The following KATNAL2 variants were observed in gnomAD, a reference collection of about 807,000 sequenced individuals.
KATNAL2 encodes the protein katanin p60 ATPase-containing subunit A-like 2.
In KATNAL2, 52 loss-of-function variants were observed where a neutral mutation model predicts 76.3. The observed-to-expected ratio is 0.68, with a 90% CI of 0.55 to 0.86. The LOEUF (loss-of-function observed/expected upper bound fraction) is 0.86. KATNAL2 is among the 40% of genes least tolerant of loss of function. The pLI is 0.00. For missense variants in KATNAL2, 660 were observed against 668.9 expected (o/e 0.99, Z 0.15); for synonymous variants, 243 against 244.2 (o/e 1.00, Z 0.05).
chr18:47,062,780 C>G (rs1166520677), intron 8 of KATNAL2, among the ~76,000 whole-genome samples, 192 bp from the exon 9 acceptor site: 2 of 152,164 alleles, frequency 1.3e-5, no homozygotes, highest in Non-Finnish European at 2.9e-5. Flanking sequence ...AATGTACTTA[C>G]AATTTTTTAA....
At chr18:46,927,361 T>G (rs1198082512) in intron 1 of KATNAL2, among the ~76,000 whole-genome samples, 1 of 152,176 alleles carries the variant, frequency 6.6e-6, no homozygotes, top group African/African-American at 2.4e-5. Flanking sequence ...TTTGGCTGGA[T>G]ATGAGATTCT....
intron 3 of KATNAL2, among the ~76,000 whole-genome samples, chr18:47,036,535 A>T (rs768499953): frequency 2.0e-5 from 3 of 152,132 alleles, no homozygotes; most frequent in Admixed American, 1.3e-4. Context: ...CAGTGTAGCC[A>T]TGTTTTATCC....
chr18:46,944,285 G>T (rs1182866922), intron 1 of KATNAL2, among the ~76,000 whole-genome samples: 5 of 152,090 alleles, frequency 3.3e-5, no homozygotes, highest in African/African-American at 9.7e-5. Context: ...CATGGGTTTG[G>T]CATCTGGGGA....
intron 3 of KATNAL2, among the ~76,000 whole-genome samples, chr18:46,952,556 C>T (rs527446451): frequency 4.0e-5 from 6 of 151,836 alleles, no homozygotes; most frequent in South Asian, 4.2e-4. Context: ...CGTACCACCA[C>T]GCCCGGCTAA....
intron 1 of KATNAL2, among the ~76,000 whole-genome samples, chr18:46,920,493 G>A (rs1329705776): frequency 6.6e-6 from 1 of 152,130 alleles, no homozygotes; most frequent in African/African-American, 2.4e-5. Context: ...CTCTGCCTCT[G>A]TACTGGCCAG....
At chr18:46,961,199 C>G (rs2059932853) in intron 3 of KATNAL2, among the ~76,000 whole-genome samples, 4 of 148,754 alleles carry the variant, frequency 2.7e-5, no homozygotes. Flanking sequence ...TCCAGGCCAT[C>G]TGGCTATTTA....
chr18:47,035,109 C>A (rs571433863), intron 3 of KATNAL2: 4 of 1,611,080 alleles, frequency 2.5e-6, no homozygotes, highest in Admixed American at 3.3e-5. Flanking sequence ...GGCGCTTCAC[C>A]GTCTTTCTGA....
chr18:47,059,493 G>C lies in KATNAL2; in HGVS notation c.451-63G>C. The stretch of plus-strand genomic sequence containing the variant: ...CGGACTTTGCTTGATGGAGTAGGCA[G>C]GTACATCCAGCAACTCTCCATGGCT... On this transcript the variant is annotated intron_variant, in intron 7 of 17. Coordinates refer to ENST00000683218, the MANE Select transcript of KATNAL2 (RefSeq NM_001387690.1). 8 of 1,119,126 alleles carry C rather than the reference G, an allele frequency of 7.1e-6. No individual in the cohort carries two copies. The South Asian group carries it at 1.0e-4, about 14-fold the overall frequency. The allele number at this position is 1,119,126 out of a possible 1,614,324, so 69.3% of individuals were successfully genotyped here.
intron 2 of KATNAL2, 108 bp downstream of exon 2, chr18:46,946,654 T>C: frequency 4.3e-6 from 5 of 1,152,788 alleles, no homozygotes; most frequent in Middle Eastern, 3.1e-4. Context: ...ATCTCTTCAT[T>C]GGCCAGTGTC....
chr18:47,072,844 TTATAGATA>T (rs1297724064), intron 13 of KATNAL2, among the ~76,000 whole-genome samples: 1 of 152,218 alleles, frequency 6.6e-6, no homozygotes, highest in Non-Finnish European at 1.5e-5. Flanking sequence ...TTCCACACTA[TTATAGATA>T]AAGCATGTTC....
intron 1 of KATNAL2, among the ~76,000 whole-genome samples, chr18:46,928,449 T>C (rs1429346264): frequency 1.3e-5 from 2 of 152,164 alleles, no homozygotes; most frequent in African/African-American, 2.4e-5. Context: ...CTGGAAGTTT[T>C]GTTTCAGAAG....
At chr18:46,919,486 CAA>C (rs571707086) in intron 1 of KATNAL2, among the ~76,000 whole-genome samples, 2 of 134,508 alleles carry the variant, frequency 1.5e-5, no homozygotes, top group Admixed American at 7.4e-5. Context: ...AACTCCATCT[CAA>C]AAAAAAAAAA....
At chr18:47,055,431 C>A (rs529091056) in intron 6 of KATNAL2, among the ~76,000 whole-genome samples, 24 of 152,316 alleles carry the variant, frequency 1.6e-4, no homozygotes, top group African/African-American at 5.5e-4. Context: ...TTTCCCACCC[C>A]TGCGACTCCA....
At chr18:46,948,426 C>CT (rs11400104) in intron 3 of KATNAL2, among the ~76,000 whole-genome samples, 9,702 of 136,254 alleles carry the variant, frequency 0.071, 381 homozygotes, top group Non-Finnish European at 0.087. Flanking sequence ...TCTTCTTCTT[C>CT]TTTTTTTTTT....
Position 47,100,332 on chromosome 18 carries a change from G to C in KATNAL2, c.1453G>C (p.Asp485His). 6.2e-7 allele frequency: 1 copy of C among 1,614,036 alleles called. No homozygotes were observed. The highest frequency in any genetic ancestry group is 8.5e-7 in the Non-Finnish European group (1 of 1,179,922). ...CATGCGGCCCGTGAGGAAGATCTTTGATGCACTTGAAAATCACCAGTCAGG... is the reference window on the plus strand; with the variant it reads ...CATGCGGCCCGTGAGGAAGATCTTTCATGCACTTGAAAATCACCAGTCAGG... ...AAMRPVRKIFDALENHQSESS... is the reference protein window; with the variant it reads ...AAMRPVRKIFHALENHQSESS... Residue 485 changes from aspartate to histidine, a missense_variant, in exon 17 of 18, where the codon GAT becomes CAT. Coordinates refer to ENST00000683218, the MANE Select transcript of KATNAL2 (RefSeq NM_001387690.1).
In KATNAL2 at chr18:46,929,546, A is replaced by G. The variant is rs76280387; in HGVS notation, c.-510+11620A>G. 3.4e-3 allele frequency among the ~76,000 whole-genome samples: 513 copies of G among 152,000 alleles called. 2 individuals are homozygous for G. Among genetic ancestry groups the G allele is most frequent in the Non-Finnish European group, 5.6e-3 (380 of 67,922 alleles). ...GCATGGGCTATCACGCTTGGCCACA[A>G]TTCATTTCTTTTTATTGCTGAGTAG... On this transcript the variant is annotated intron_variant, in intron 1 of 17. Coordinates refer to ENST00000683218, the MANE Select transcript of KATNAL2 (RefSeq NM_001387690.1).
chr18:47,035,447 G>C (rs555215537), intron 3 of KATNAL2: 16 of 1,331,992 alleles, frequency 1.2e-5, no homozygotes, highest in Non-Finnish European at 1.4e-5. Context: ...GGTCTGGAAC[G>C]GCCGTCCTTG....
intron 1 of KATNAL2, among the ~76,000 whole-genome samples, chr18:46,936,037 T>A (rs1190819803): frequency 6.6e-6 from 1 of 152,164 alleles, no homozygotes; most frequent in African/African-American, 2.4e-5. Context: ...AAATAAACAA[T>A]TTCAAGTTTG....
chr18:46,950,821 G>A (rs539407119), intron 3 of KATNAL2, among the ~76,000 whole-genome samples: 3 of 151,878 alleles, frequency 2.0e-5, no homozygotes, highest in Non-Finnish European at 4.4e-5. Context: ...AGTAGCTGGG[G>A]CTACAGGCGC....
Sources: gnomAD v4.1 joint callset for allele counts (sites outside exome capture counted in the v4.1 genomes callset) on GRCh38, gnomAD v4.1.1 for gene constraint, MANE v1.5 for transcripts, NCBI Gene and HGNC (gene_info 2026-07-23, HGNC 2026-07-21) for gene names.